The following MDGA2 variants were observed in gnomAD, a reference collection of about 807,000 sequenced individuals.
MDGA2 encodes the protein MAM domain-containing glycosylphosphatidylinositol anchor protein 2.
A neutral mutation model predicts 117.8 loss-of-function variants in MDGA2; 40 were observed. The observed-to-expected ratio is 0.34, with a 90% CI of 0.26 to 0.44. The LOEUF is 0.44. Among genes scored for constraint, MDGA2 ranks in the 20% least tolerant of loss-of-function variants. The pLI, the probability that MDGA2 is intolerant of heterozygous loss-of-function variation, is 1.00. For synonymous variants in MDGA2, 452 were observed against 439.0 expected (o/e 1.03, Z -0.37); for missense variants, 1,123 against 1,250.6 (o/e 0.90, Z 1.54).
intron 1 of MDGA2, among the ~76,000 whole-genome samples, chr14:47,591,318 C>G (rs751851401): frequency 1.3e-5 from 2 of 151,986 alleles, no homozygotes; most frequent in African/African-American, 2.4e-5. Flanking sequence ...GCAAAGGCAG[C>G]AGTTTAGTTA....
chr14:47,671,277 C>G (rs1898069348), intron 1 of MDGA2, among the ~76,000 whole-genome samples: 1 of 152,130 alleles, frequency 6.6e-6, no homozygotes, highest in African/African-American at 2.4e-5. Context: ...GAAACTTTTA[C>G]ACTTAAGTAT....
At chr14:47,144,398 C>G in intron 3 of MDGA2, 124 bp from the exon 4 acceptor site, 1 of 596,024 alleles carries the variant, frequency 1.7e-6, no homozygotes, top group Non-Finnish European at 2.8e-6. Context: ...CCACTAGGTA[C>G]TCTTTTTTTC....
intron 6 of MDGA2, among the ~76,000 whole-genome samples, chr14:47,072,017 T>C (rs1890299516): frequency 6.8e-6 from 1 of 148,120 alleles, no homozygotes; most frequent in Non-Finnish European, 1.5e-5. Context: ...TTCAAAGACA[T>C]TGTCTGGGTA....
chr14:47,561,163 G>GTTTTTTTTTTTTTTTTTTTT (rs1309865250), intron 1 of MDGA2, among the ~76,000 whole-genome samples: 1 of 83,878 alleles, frequency 1.2e-5, no homozygotes, highest in Non-Finnish European at 2.4e-5. Context: ...GTTTTGTTTT[G>GTTTTTTTTTTTTTTTTTTTT]TTTTTTTGTT....
chr14:46,941,462 T>C (rs2138582034), intron 9 of MDGA2, among the ~76,000 whole-genome samples: 1 of 152,274 alleles, frequency 6.6e-6, no homozygotes, highest in Non-Finnish European at 1.5e-5. Flanking sequence ...CCACTCTTAG[T>C]TTCAGGCATG....
At chr14:47,065,521 T>G (rs983891932) in intron 6 of MDGA2, among the ~76,000 whole-genome samples, 2 of 152,200 alleles carry the variant, frequency 1.3e-5, no homozygotes, top group Non-Finnish European at 2.9e-5. Context: ...GAACATTGCC[T>G]TCAGAGAAGT....
intron 3 of MDGA2, among the ~76,000 whole-genome samples, chr14:47,193,134 C>G (rs1234301179): frequency 3.3e-5 from 5 of 152,194 alleles, no homozygotes; most frequent in African/African-American, 1.2e-4. Context: ...AAAACTTTCT[C>G]AGTCCTCTCG....
At chr14:46,911,431 ATT>A (rs1179716075) in intron 10 of MDGA2, among the ~76,000 whole-genome samples, 1 of 152,240 alleles carries the variant, frequency 6.6e-6, no homozygotes, top group Non-Finnish European at 1.5e-5. Context: ...AAAGATAAAT[ATT>A]GTTTCAGCTA....
At chr14:47,607,613 G>A (rs1259551731) in intron 1 of MDGA2, among the ~76,000 whole-genome samples, 3 of 152,072 alleles carry the variant, frequency 2.0e-5, no homozygotes, top group Admixed American at 6.6e-5. Context: ...GAATTTTGAG[G>A]GCATAGAGGG....
intron 1 of MDGA2, among the ~76,000 whole-genome samples, chr14:47,557,438 T>C (rs1391360792): frequency 6.6e-6 from 1 of 152,188 alleles, no homozygotes; most frequent in Admixed American, 6.5e-5. Flanking sequence ...TACAGTTCCT[T>C]AGGTCTACAG....
chr14:46,919,042 G>C (rs562833055), intron 10 of MDGA2, among the ~76,000 whole-genome samples: 2 of 152,118 alleles, frequency 1.3e-5, no homozygotes, highest in African/African-American at 2.4e-5. Flanking sequence ...GATTACAGGC[G>C]TGAGCCACCG....
chr14:47,257,325 G>T (rs1478213246), intron 2 of MDGA2, among the ~76,000 whole-genome samples: 6 of 151,938 alleles, frequency 3.9e-5, no homozygotes, highest in Non-Finnish European at 8.8e-5. Flanking sequence ...CCTTTCCCTT[G>T]CTGTTTTCTC....
intron 1 of MDGA2, among the ~76,000 whole-genome samples, chr14:47,500,810 T>A (rs1033444173): frequency 1.3e-5 from 2 of 152,000 alleles, no homozygotes; most frequent in African/African-American, 4.8e-5. Context: ...CAAAGTTGGT[T>A]AAAAAAAGAA....
chr14:47,049,090 AT>A (rs1357793371), intron 7 of MDGA2, among the ~76,000 whole-genome samples: 4 of 152,024 alleles, frequency 2.6e-5, no homozygotes, highest in Non-Finnish European at 5.9e-5. Flanking sequence ...AACTATATCT[AT>A]TTTGTTTACA....
chr14:47,093,089 G>C (rs1461489353), intron 6 of MDGA2, among the ~76,000 whole-genome samples: 1 of 151,944 alleles, frequency 6.6e-6, no homozygotes, highest in African/African-American at 2.4e-5. Flanking sequence ...GTTGGGTTAA[G>C]TGGAGAGGTA....
rs200343077 is a variant in MDGA2 at position 47,119,186 on chromosome 14, CCA to C, written c.925+12526_925+12527del. On this transcript the variant is annotated intron_variant, in intron 5 of 16. Coordinates refer to ENST00000399232, the MANE Select transcript of MDGA2 (RefSeq NM_001113498.3). ...CTGCCTCAGCCCCGCCCCCCCCCCC[CCA>C]CCCCGTAGCTGGGACTACAGGCACC... is the stretch of plus-strand genomic sequence containing the variant. Among the ~76,000 whole-genome samples the C allele has an allele frequency of 5.2e-3, 361 of 70,014 alleles. 47 individuals carry two copies. Among genetic ancestry groups the C allele is most frequent in the Middle Eastern group, 0.014 (2 of 142 alleles). 45.9% of individuals were successfully genotyped at this position (70,014 alleles called of 152,430 possible). A position where few individuals can be genotyped will look rare whatever the true frequency, so the allele number is the denominator to read the frequency against.
At chr14:47,018,762 A>G (rs1888176478) in intron 8 of MDGA2, among the ~76,000 whole-genome samples, 1 of 133,976 alleles carries the variant, frequency 7.5e-6, no homozygotes, top group African/African-American at 2.8e-5. Context: ...AAAAAAAAAA[A>G]GTCTCCATTG....
intron 7 of MDGA2, among the ~76,000 whole-genome samples, chr14:47,039,416 C>T (rs574195433): frequency 5.3e-5 from 8 of 152,158 alleles, no homozygotes; most frequent in Non-Finnish European, 1.0e-4. Flanking sequence ...AACTATGTCT[C>T]ATATCTGCCT....
At chr14:47,086,779 G>A (rs1218552055) in intron 6 of MDGA2, among the ~76,000 whole-genome samples, 1 of 151,968 alleles carries the variant, frequency 6.6e-6, no homozygotes, top group Non-Finnish European at 1.5e-5. Context: ...CAGCTAATTG[G>A]CACCATCCTC....
Sources: allele counts gnomAD v4.1 joint callset (sites outside exome capture counted in the v4.1 genomes callset), GRCh38; gene constraint gnomAD v4.1.1; transcripts MANE v1.5; gene names NCBI Gene and HGNC (gene_info 2026-07-23, HGNC 2026-07-21).